TTYH1: variants seen among roughly 807,000 people sequenced by gnomAD.
TTYH1 encodes protein tweety homolog 1.
In TTYH1, 33 loss-of-function variants were observed where a neutral mutation model predicts 61.2. The observed-to-expected ratio is 0.54, with a 90% CI of 0.41 to 0.72. The LOEUF is 0.72. TTYH1 is among the 30% of genes least tolerant of loss of function. The probability of loss-of-function intolerance (pLI) is 0.00; values close to 1 mark genes in which losing one functional copy is unlikely to be tolerated. For synonymous variants in TTYH1, 308 were observed against 266.4 expected (o/e 1.16, Z -1.52); for missense variants, 538 against 575.8 (o/e 0.93, Z 0.67).
chr19:54,420,459 G>A lies in TTYH1; in HGVS notation c.306-818G>A, dbSNP rs113682778. ...GAACAATGGGGCGGGGACACTGGGC[G>A]TCCGACCCGAGGGATGGGGGTGGAG... is the stretch of plus-strand genomic sequence containing the variant. On this transcript the variant is annotated intron_variant, in intron 2 of 13. Transcript: ENST00000376530. This position sits in a 1 kb window ranked among gnomAD's most constrained non-coding sequence, Gnocchi z 4.8. Among the ~76,000 whole-genome samples, 181 of 152,124 alleles carry A rather than the reference G, an allele frequency of 1.2e-3. No homozygotes were observed. Among genetic ancestry groups the A allele is most frequent in the South Asian group, 2.5e-3 (12 of 4,828 alleles).
intron 4 of TTYH1, among the ~76,000 whole-genome samples, chr19:54,426,284 T>C (rs1238352534): frequency 2.0e-5 from 3 of 152,066 alleles, no homozygotes; most frequent in African/African-American, 7.2e-5. Flanking sequence ...CCAGACGTCA[T>C]GCCCTCCAGG....
chr19:54,419,036 C>A lies in TTYH1; in HGVS notation c.127-92C>A. 1 of 1,341,046 alleles carries A rather than the reference C, an allele frequency of 7.5e-7. No individual in the cohort carries two copies. The highest frequency in any genetic ancestry group is 1.0e-6 in the Non-Finnish European group (1 of 975,276). The allele number at this position is 1,341,046 out of a possible 1,614,324, so 83.1% of individuals were successfully genotyped here. Reference sequence around the variant, plus strand: ...TGTCTCCCACCTTCACTCTGACATCCCAGACCCCGACCCCCCAGCCACGCA... The same window carrying A: ...TGTCTCCCACCTTCACTCTGACATCACAGACCCCGACCCCCCAGCCACGCA... On this transcript the variant is annotated intron_variant, in intron 1 of 13. Coordinates refer to ENST00000376530, the MANE Select transcript of TTYH1 (RefSeq NM_020659.4). The surrounding 1 kb of genome is among the most constrained non-coding windows in gnomAD (Gnocchi z 6.1).
intron 12 of TTYH1, 85 bp downstream of exon 12, chr19:54,435,958 G>A (rs184196614): frequency 3.4e-5 from 54 of 1,585,006 alleles, no homozygotes; most frequent in East Asian, 1.8e-4. Context: ...GGGCCTGGCC[G>A]CCTGGGTCTG....
In TTYH1 at chr19:54,422,389, T is replaced by C. The variant is rs754075741; in HGVS notation, c.617T>C (p.Val206Ala). 2 of 1,568,680 alleles carry C rather than the reference T, an allele frequency of 1.3e-6. No individual in the cohort carries two copies. Among genetic ancestry groups the C allele is most frequent in the East Asian group, 2.3e-5 (1 of 43,320 alleles). Residue 206 changes from valine (V) to alanine (A), a missense_variant, in exon 4 of 14, where the codon GTG becomes GCG. Transcript: ENST00000376530. The part of the protein sequence containing the change: ...PLSPLQVAEN[V>A]SFVEEYRWLA... ...AGCCCCCTGCAGGTGGCTGAAAATG[T>C]GTCCTTTGTGGAGGAGTACAGGTGA...
chr19:54,431,421 C>CCCAA (rs1447477049), intron 10 of TTYH1: 6 of 554,788 alleles, frequency 1.1e-5, no homozygotes, highest in Non-Finnish European at 1.9e-5. Flanking sequence ...TCCCTTTCCC[C>CCCAA]CCAACTCCCG....
intron 5 of TTYH1, among the ~76,000 whole-genome samples, chr19:54,428,016 A>AT (rs554994597): frequency 4.8e-5 from 7 of 145,332 alleles, no homozygotes; most frequent in South Asian, 4.3e-4. Flanking sequence ...GGCTCAAGTG[A>AT]TCCCCCCACC....
Position 54,421,742 on chromosome 19 carries a change from G to T in TTYH1, c.417+354G>T, listed in dbSNP as rs1407993706. 2.0e-5 allele frequency among the ~76,000 whole-genome samples: 3 copies of T among 151,990 alleles called. No individual in the cohort carries two copies. Among genetic ancestry groups the T allele is most frequent in the Non-Finnish European group, 2.9e-5 (2 of 67,984 alleles). ...CAGGGACCCCCGCCCTGAGGCCCAG[G>T]TCCCCGACTTGAGGCTTCAGCTCCG... On this transcript the variant is annotated intron_variant, in intron 3 of 13. Transcript: ENST00000376530. This position sits in a 1 kb window ranked among gnomAD's most constrained non-coding sequence, Gnocchi z 4.8.
chr19:54,419,614 G>A lies in TTYH1; in HGVS notation c.305+308G>A, dbSNP rs1217074220. ...CCCATTGAATAGCTGTGTGACCTAAGGGAGTGATAGTCTCCCTGGGCCTCA... is the reference window on the plus strand; with the variant it reads ...CCCATTGAATAGCTGTGTGACCTAAAGGAGTGATAGTCTCCCTGGGCCTCA... On this transcript the variant is annotated intron_variant, in intron 2 of 13. Transcript: ENST00000376530. This position sits in a 1 kb window ranked among gnomAD's most constrained non-coding sequence, Gnocchi z 6.1. 3.2e-6 allele frequency: 2 copies of A among 629,966 alleles called. No homozygotes were observed. The highest frequency in any genetic ancestry group is 3.6e-5 in the African/African-American group (2 of 55,812). 39.0% of individuals were successfully genotyped at this position (629,966 alleles called of 1,614,324 possible). A position where few individuals can be genotyped will look rare whatever the true frequency, so the allele number is the denominator to read the frequency against.
Position 54,421,178 on chromosome 19 carries a change from T to G in TTYH1, c.306-99T>G, listed in dbSNP as rs1599888966. On this transcript the variant is annotated intron_variant, in intron 2 of 13. Coordinates refer to ENST00000376530, the MANE Select transcript of TTYH1 (RefSeq NM_020659.4). The surrounding 1 kb of genome is among the most constrained non-coding windows in gnomAD (Gnocchi z 4.8). Reference sequence around the variant, plus strand: ...TGAGGTGGGGCTGAGATGGGAGGGGTGGATAAGAAGGCGAGGTGGAGGGGA... The same window carrying G: ...TGAGGTGGGGCTGAGATGGGAGGGGGGGATAAGAAGGCGAGGTGGAGGGGA... 3 of 718,396 alleles carry G rather than the reference T, an allele frequency of 4.2e-6. No individual in the cohort carries two copies. The highest frequency in any genetic ancestry group is 5.4e-5 in the East Asian group (2 of 36,862). The allele number at this position is 718,396 out of a possible 1,614,324, so 44.5% of individuals were successfully genotyped here.
intron 5 of TTYH1, among the ~76,000 whole-genome samples, chr19:54,426,999 CAATA>C (rs2083333594): frequency 6.6e-6 from 1 of 151,906 alleles, no homozygotes; most frequent in Non-Finnish European, 1.5e-5. Context: ...ATTGTGTTGG[CAATA>C]AAGATGAGGA....
At chr19:54,418,035 CTG>C (rs749522560) in intron 1 of TTYH1, among the ~76,000 whole-genome samples, 1 of 149,688 alleles carries the variant, frequency 6.7e-6, no homozygotes, top group East Asian at 2.0e-4. Flanking sequence ...CACTGTGCCA[CTG>C]TGTGTGTGTA....
rs1327723514 is a variant in TTYH1, at chr19:54,420,047, G to A, written c.305+741G>A. 2.6e-5 allele frequency among the ~76,000 whole-genome samples: 4 copies of A among 152,134 alleles called. No individual in the cohort carries two copies. Among genetic ancestry groups the A allele is most frequent in the South Asian group, 2.1e-4 (1 of 4,832 alleles). On this transcript the variant is annotated intron_variant, in intron 2 of 13. Coordinates refer to ENST00000376530, the MANE Select transcript of TTYH1 (RefSeq NM_020659.4). The surrounding 1 kb of genome is among the most constrained non-coding windows in gnomAD (Gnocchi z 4.8). ...AGGGGAGGTCACCTTTCAAGGCCAC[G>A]TGGCTTAAGAGGCAGCACAGAGATT...
Position 54,419,731 on chromosome 19 carries a change from T to G in TTYH1, c.305+425T>G, listed in dbSNP as rs1198291534. Among the ~76,000 whole-genome samples, 15 of 152,138 alleles carry G rather than the reference T, an allele frequency of 9.9e-5. No individual in the cohort carries two copies. Among genetic ancestry groups the G allele is most frequent in the Non-Finnish European group, 2.1e-4 (14 of 68,024 alleles). On this transcript the variant is annotated intron_variant, in intron 2 of 13. Transcript: ENST00000376530. This position sits in a 1 kb window ranked among gnomAD's most constrained non-coding sequence, Gnocchi z 6.1. ...AGCACAGTGTCTGACTTGCAGCTAC[T>G]CTCAGCCAACATTAACTGGTGATGT... is the stretch of plus-strand genomic sequence containing the variant.
chr19:54,434,450 C>G lies in TTYH1; in HGVS notation c.1126-1092C>G, dbSNP rs1367280261. 1 of 153,244 alleles carries G rather than the reference C, an allele frequency of 6.5e-6. No homozygotes were observed. Among genetic ancestry groups the G allele is most frequent in the African/African-American group, 2.4e-5 (1 of 41,438 alleles). The allele number at this position is 153,244 out of a possible 1,614,324, so 9.5% of individuals were successfully genotyped here. ...CCTCTGCACAGCCCTCTGCCTGGCT[C>G]CTTCCTGGAGGACCCATCCCTGCTA... On this transcript the variant is annotated intron_variant, in intron 10 of 13. Transcript: ENST00000376530. The surrounding 1 kb of genome is among the most constrained non-coding windows in gnomAD (Gnocchi z 4.3).
rs1228742225 is a variant in TTYH1, at chr19:54,431,157, T to C, written c.1091T>C (p.Leu364Ser). ...LNVTEGNFHQLVALLHCRSLH... is the reference protein window; with the variant it reads ...LNVTEGNFHQSVALLHCRSLH... ...GTGACAGAAGGAAATTTCCACCAGT[T>C]GGTGGCACTGCTACACTGCCGCAGC... Residue 364 changes from leucine (L) to serine (S), a missense_variant, in exon 10 of 14, where the codon TTG becomes TCG. By Grantham distance (145) the Leu-to-Ser change is moderately radical (BLOSUM62 -2). Transcript: ENST00000376530. 6.2e-7 allele frequency: 1 copy of C among 1,613,842 alleles called. No homozygotes were observed. Among genetic ancestry groups the C allele is most frequent in the East Asian group, 2.2e-5 (1 of 44,878 alleles).
chr19:54,430,362 C>G (rs1363745246), intron 7 of TTYH1, among the ~76,000 whole-genome samples, 188 bp from the exon 8 acceptor site: 1 of 152,140 alleles, frequency 6.6e-6, no homozygotes, highest in East Asian at 1.9e-4. Context: ...TGCCCACCAG[C>G]GCCTGCTCTG....
At chr19:54,430,987 G>A (rs532280402) in intron 9 of TTYH1, 82 bp downstream of exon 9, 3 of 1,542,968 alleles carry the variant, frequency 1.9e-6, no homozygotes, top group South Asian at 2.2e-5. Flanking sequence ...GGCGTAGGCG[G>A]GGCTGCAGAG....
rs1157961109 is a variant in TTYH1, at chr19:54,416,832, C to T, written c.126+1154C>T. The T allele has an allele frequency of 1.5e-6, 2 of 1,293,610 alleles. No homozygotes were observed. The highest frequency in any genetic ancestry group is 1.5e-5 in the African/African-American group (1 of 65,984). The allele number at this position is 1,293,610 out of a possible 1,614,324, so 80.1% of individuals were successfully genotyped here. On this transcript the variant is annotated intron_variant, in intron 1 of 13. Coordinates refer to ENST00000376530, the MANE Select transcript of TTYH1 (RefSeq NM_020659.4). The surrounding 1 kb of genome is among the most constrained non-coding windows in gnomAD (Gnocchi z 7.0). Reference sequence around the variant, plus strand: ...GCCACCTCCAACAACGCCGCTCCACCGGCTCCGGCCTCGGCCCAGACTCAC... The same window carrying T: ...GCCACCTCCAACAACGCCGCTCCACTGGCTCCGGCCTCGGCCCAGACTCAC...
rs563095491 is a variant in TTYH1, at chr19:54,420,440, T to C, written c.306-837T>C. ...AGGAGCTTTGTAGGACTCTGAACAA[T>C]GGGGCGGGGACACTGGGCGTCCGAC... On this transcript the variant is annotated intron_variant, in intron 2 of 13. Transcript: ENST00000376530. The surrounding 1 kb of genome is among the most constrained non-coding windows in gnomAD (Gnocchi z 4.8). Among the ~76,000 whole-genome samples, 1 of 151,650 alleles carries C rather than the reference T, an allele frequency of 6.6e-6. No homozygotes were observed. The highest frequency in any genetic ancestry group is 1.5e-5 in the Non-Finnish European group (1 of 67,878).
Sources: allele counts gnomAD v4.1 joint callset (sites outside exome capture counted in the v4.1 genomes callset), GRCh38; gene constraint gnomAD v4.1.1; non-coding constraint Gnocchi (gnomAD v3.1); transcripts MANE v1.5; gene names NCBI Gene and HGNC (gene_info 2026-07-23, HGNC 2026-07-21).